Variants in TXLNB observed in about 807,000 individuals in gnomAD.
The protein encoded by TXLNB is beta-taxilin.
In TXLNB, 37 loss-of-function variants were observed where a neutral mutation model predicts 57.4. The observed-to-expected ratio is 0.64, with a 90% confidence interval of 0.50 to 0.85. TXLNB has a LOEUF of 0.85. Among genes scored for constraint, TXLNB ranks in the 40% least tolerant of loss-of-function variants. TXLNB has a pLI of 0.00. For missense variants in TXLNB, 848 were observed against 825.6 expected, an observed-to-expected ratio of 1.03 and a Z score of -0.33; for synonymous variants, 302 against 309.6, an observed-to-expected ratio of 0.98 and a Z score of 0.26.
At chr6:139,193,311 A>G in the TXLNB span, among the ~76,000 whole-genome samples, 8 of 144,538 alleles carry the variant, frequency 5.5e-5, no homozygotes, top group Non-Finnish European at 9.0e-5. Flanking sequence ...TCACAACCAT[A>G]TAGTGAAGAC....
chr6:139,183,094 C>G, the TXLNB span: 39 of 152,296 alleles, frequency 2.6e-4, no homozygotes, highest in African/African-American at 9.1e-4. Context: ...AAGGGCTATG[C>G]TTTTTGTTTT....
chr6:139,271,714 C>G (rs1042131876), intron 3 of TXLNB: 1 of 152,096 alleles, frequency 6.6e-6, no homozygotes, highest in African/African-American at 2.4e-5. Flanking sequence ...ACCTCAGAAG[C>G]CTCCAGAGAG....
chr6:139,224,458 A>T, the TXLNB span, among the ~76,000 whole-genome samples: 1 of 151,666 alleles, frequency 6.6e-6, no homozygotes, highest in Non-Finnish European at 1.5e-5. Flanking sequence ...AATAATTAAT[A>T]AATAAATAAA....
chr6:139,162,284 G>T, the TXLNB span, among the ~76,000 whole-genome samples: 1 of 152,174 alleles, frequency 6.6e-6, no homozygotes, highest in East Asian at 1.9e-4. Flanking sequence ...TAGAGAGGTG[G>T]GCCTTGAAGC....
chr6:139,211,953 A>C, the TXLNB span, among the ~76,000 whole-genome samples: 2 of 152,210 alleles, frequency 1.3e-5, no homozygotes, highest in East Asian at 3.8e-4. Flanking sequence ...GAAATGAACA[A>C]AGCCTCCAAG....
chr6:139,298,688 G>A, the TXLNB span, among the ~76,000 whole-genome samples: 1 of 152,198 alleles, frequency 6.6e-6, no homozygotes, highest in Admixed American at 6.5e-5. Flanking sequence ...CCAGCAAGAG[G>A]ATGTGAAGGT....
At chr6:139,252,465 A>G (rs1325429102) in intron 7 of TXLNB, among the ~76,000 whole-genome samples, 1 of 152,210 alleles carries the variant, frequency 6.6e-6, no homozygotes, top group Non-Finnish European at 1.5e-5. Context: ...GGCTTAAGTA[A>G]TTATTGGAAT....
chr6:139,209,696 C>T, the TXLNB span, among the ~76,000 whole-genome samples: 2 of 152,174 alleles, frequency 1.3e-5, no homozygotes, highest in Admixed American at 6.5e-5. Flanking sequence ...CCTCATCTCT[C>T]ACCTTATACA....
chr6:139,216,752 A>G, the TXLNB span, among the ~76,000 whole-genome samples: 1 of 152,220 alleles, frequency 6.6e-6, no homozygotes, highest in African/African-American at 2.4e-5. Context: ...ATTCTCAGTG[A>G]AGTAACTCAG....
At chr6:139,163,002 T>TTTC in the TXLNB span, among the ~76,000 whole-genome samples, 1 of 152,192 alleles carries the variant, frequency 6.6e-6, no homozygotes, top group African/African-American at 2.4e-5. Context: ...GTTTCTGCCT[T>TTTC]TTCACCTCAC....
intron 8 of TXLNB, among the ~76,000 whole-genome samples, chr6:139,245,704 TTTG>T (rs552761767): frequency 2.1e-3 from 326 of 152,314 alleles, no homozygotes; most frequent in African/African-American, 7.3e-3. Context: ...TTTCTTCTTT[TTTG>T]TTGTTGTTTG....
At chr6:139,224,013 A>G in the TXLNB span, among the ~76,000 whole-genome samples, 1 of 148,060 alleles carries the variant, frequency 6.8e-6, no homozygotes, top group Non-Finnish European at 1.5e-5. Flanking sequence ...TTATTGCAGC[A>G]CTATTCACAA....
At chr6:139,184,809 G>A in the TXLNB span, among the ~76,000 whole-genome samples, 173 of 152,284 alleles carry the variant, frequency 1.1e-3, no homozygotes, top group African/African-American at 4.1e-3. Flanking sequence ...ATCCCAGACT[G>A]TTGAGGGTTG....
the TXLNB span, among the ~76,000 whole-genome samples, chr6:139,225,686 T>C: frequency 6.6e-6 from 1 of 151,998 alleles, no homozygotes; most frequent in Non-Finnish European, 1.5e-5. Context: ...CTAAATAAAT[T>C]GAGATATTTA....
chr6:139,233,756 C>T, the TXLNB span, among the ~76,000 whole-genome samples: 1 of 152,120 alleles, frequency 6.6e-6, no homozygotes, highest in Non-Finnish European at 1.5e-5. Context: ...TTCTTTATAG[C>T]AGTGTGAGAA....
chr6:139,286,787 A>C, intron 2 of TXLNB: 1 of 172,100 alleles, frequency 5.8e-6, no homozygotes, highest in Non-Finnish European at 1.2e-5. Flanking sequence ...TGTAGGTTGC[A>C]TGCTCCCTGT....
the TXLNB span, among the ~76,000 whole-genome samples, chr6:139,187,198 A>G: frequency 6.6e-6 from 1 of 152,202 alleles, no homozygotes; most frequent in Admixed American, 6.5e-5. Flanking sequence ...TATATCATAA[A>G]CATTTTATTT....
chr6:139,208,697 A>T, the TXLNB span, among the ~76,000 whole-genome samples: 1 of 152,244 alleles, frequency 6.6e-6, no homozygotes, highest in Non-Finnish European at 1.5e-5. Flanking sequence ...AAATCATGTG[A>T]TCATCTCAAT....
rs1777085798 is a variant in TXLNB, at chr6:139,282,838, T to C, written c.424+5638A>G. 1.4e-5 allele frequency among the ~76,000 whole-genome samples: 2 copies of C among 145,438 alleles called. 1 individual carries two copies. Among genetic ancestry groups the C allele is most frequent in the Non-Finnish European group, 3.1e-5 (2 of 65,350 alleles). ...AATCACATCAACTAGATGAGTAACA[T>C]TTTTTGGTGGATTCTGAAACTCCCT... On this transcript the variant is annotated intron_variant, in intron 2 of 9. Coordinates refer to ENST00000358430, the MANE Select transcript of TXLNB (RefSeq NM_153235.4).
Sources: allele counts gnomAD v4.1 joint callset (sites outside exome capture counted in the v4.1 genomes callset), GRCh38; gene constraint gnomAD v4.1.1; transcripts MANE v1.5; gene names NCBI Gene and HGNC (gene_info 2026-07-23, HGNC 2026-07-21).